MACROD2: variants seen among roughly 807,000 people sequenced by gnomAD.
MACROD2 encodes the protein ADP-ribose glycohydrolase MACROD2.
MACROD2 carries 36 observed loss-of-function variants against 70.4 expected under a neutral mutation model. That is an observed-to-expected ratio of 0.51 (90% CI 0.39 to 0.68). The LOEUF is 0.68. Among genes scored for constraint, MACROD2 ranks in the 30% least tolerant of loss-of-function variants. The pLI, the probability that MACROD2 is intolerant of heterozygous loss-of-function variation, is 0.00. For synonymous variants in MACROD2, 172 were observed against 178.8 expected (o/e 0.96, Z 0.30); for missense variants, 496 against 538.4 (o/e 0.92, Z 0.78).
chr20:15,124,489 T>C (rs1346233551), intron 5 of MACROD2, among the ~76,000 whole-genome samples: 1 of 151,604 alleles, frequency 6.6e-6, no homozygotes, highest in Non-Finnish European at 1.5e-5. Flanking sequence ...AAACTATATA[T>C]AGCCAACCAA....
chr20:14,019,821 G>C (rs1274005383), intron 2 of MACROD2, among the ~76,000 whole-genome samples: 2 of 152,112 alleles, frequency 1.3e-5, no homozygotes, highest in Non-Finnish European at 2.9e-5. Context: ...TTACTTATAG[G>C]AGTAATTGGG....
chr20:15,847,979 T>G (rs2064252400), intron 8 of MACROD2, among the ~76,000 whole-genome samples: 1 of 152,214 alleles, frequency 6.6e-6, no homozygotes, highest in Non-Finnish European at 1.5e-5. Flanking sequence ...ACCTTACACA[T>G]AGGAACCAAC....
intron 8 of MACROD2, among the ~76,000 whole-genome samples, chr20:15,747,870 T>G (rs141028743): frequency 6.6e-6 from 1 of 152,298 alleles, no homozygotes; most frequent in African/African-American, 2.4e-5. Context: ...CTTTGCCTTC[T>G]TGACATTAGC....
chr20:15,114,621 C>T (rs924625489), intron 5 of MACROD2, among the ~76,000 whole-genome samples: 1 of 152,158 alleles, frequency 6.6e-6, no homozygotes, highest in Non-Finnish European at 1.5e-5. Context: ...TTAAGCCATG[C>T]CCAGACTTCT....
At chr20:16,032,727 AAGG>A (rs1478624617) in intron 15 of MACROD2, among the ~76,000 whole-genome samples, 1 of 138,338 alleles carries the variant, frequency 7.2e-6, no homozygotes, top group Non-Finnish European at 1.5e-5. Context: ...GTGGAGGAAG[AAGG>A]AGAGAAGAAG....
intron 2 of MACROD2, chr20:14,052,140 C>A: frequency 6.4e-6 from 2 of 312,342 alleles, no homozygotes; most frequent in Non-Finnish European, 1.3e-5. Flanking sequence ...TGGGGTAGAG[C>A]AGTGGCCTTC....
chr20:14,594,082 A>G (rs775589348), intron 4 of MACROD2, among the ~76,000 whole-genome samples: 4 of 152,244 alleles, frequency 2.6e-5, no homozygotes, highest in Non-Finnish European at 4.4e-5. Flanking sequence ...TGTTAAAGAC[A>G]TGCCAATGAA....
At chr20:15,801,891 G>C (rs571414472) in intron 8 of MACROD2, among the ~76,000 whole-genome samples, 1 of 152,042 alleles carries the variant, frequency 6.6e-6, no homozygotes, top group South Asian at 2.1e-4. Flanking sequence ...GTGTTTTCTA[G>C]TTTTTATTGC....
chr20:15,372,633 C>T (rs994030645), intron 6 of MACROD2, among the ~76,000 whole-genome samples: 4 of 152,132 alleles, frequency 2.6e-5, no homozygotes, highest in African/African-American at 9.7e-5. Flanking sequence ...TACATTTATT[C>T]CCAGTCTGGA....
chr20:14,932,645 A>G (rs1056123349), intron 5 of MACROD2, among the ~76,000 whole-genome samples: 1 of 152,108 alleles, frequency 6.6e-6, no homozygotes, highest in Non-Finnish European at 1.5e-5. Flanking sequence ...AGCTCACCAC[A>G]ACCTCCGCCT....
intron 5 of MACROD2, among the ~76,000 whole-genome samples, chr20:14,754,007 A>G (rs1311530960): frequency 1.3e-5 from 2 of 152,136 alleles, no homozygotes; most frequent in Admixed American, 6.5e-5. Context: ...AATAATAACA[A>G]CCAAAATGGG....
At chr20:14,114,792 C>T (rs918846255) in intron 3 of MACROD2, among the ~76,000 whole-genome samples, 9 of 152,210 alleles carry the variant, frequency 5.9e-5, no homozygotes, top group African/African-American at 2.2e-4. Flanking sequence ...TGATAGAAAA[C>T]TACAAACTGG....
chr20:15,809,120 A>G (rs992475247), intron 8 of MACROD2, among the ~76,000 whole-genome samples: 3 of 152,190 alleles, frequency 2.0e-5, no homozygotes, highest in Non-Finnish European at 4.4e-5. Flanking sequence ...TGATTTTGTT[A>G]AAATAATCAT....
At chr20:15,092,445 A>T (rs2075799636) in intron 5 of MACROD2, among the ~76,000 whole-genome samples, 1 of 148,766 alleles carries the variant, frequency 6.7e-6, no homozygotes, top group Admixed American at 6.7e-5. Flanking sequence ...ATATATTTAT[A>T]ACATTTTAAA....
chr20:15,879,341 T>A (rs1322680796), intron 9 of MACROD2, among the ~76,000 whole-genome samples: 1 of 152,054 alleles, frequency 6.6e-6, no homozygotes, highest in Non-Finnish European at 1.5e-5. Context: ...TTTTAATATT[T>A]TTTTGTTCCT....
rs540312298 is a variant in MACROD2, at chr20:14,152,749, A to G, written c.271+67021A>G. Among the ~76,000 whole-genome samples the G allele has an allele frequency of 1.6e-4, 24 of 152,146 alleles. 1 individual carries two copies. Among genetic ancestry groups the G allele is most frequent in the Non-Finnish European group, 2.6e-4 (18 of 67,986 alleles). Reference sequence around the variant, plus strand: ...GCCTCCTCTACAATTTTATTTTAGTATTATTTATTCTCAATTAGTCCAGGT... The same window carrying G: ...GCCTCCTCTACAATTTTATTTTAGTGTTATTTATTCTCAATTAGTCCAGGT... On this transcript the variant is annotated intron_variant, in intron 3 of 17. Coordinates refer to ENST00000684519, the MANE Select transcript of MACROD2 (RefSeq NM_001351661.2).
chr20:14,397,259 C>T (rs1388001554), intron 3 of MACROD2, among the ~76,000 whole-genome samples: 3 of 152,084 alleles, frequency 2.0e-5, no homozygotes, highest in African/African-American at 4.8e-5. Context: ...TCCCAAAGTG[C>T]TGGGATTACA....
chr20:14,918,117 G>A (rs1180724209), intron 5 of MACROD2, among the ~76,000 whole-genome samples: 1 of 152,004 alleles, frequency 6.6e-6, no homozygotes, highest in African/African-American at 2.4e-5. Context: ...GGAACTACAG[G>A]CACACACCAC....
intron 3 of MACROD2, among the ~76,000 whole-genome samples, chr20:14,358,623 A>AT: frequency 6.6e-6 from 1 of 151,798 alleles, no homozygotes; most frequent in Non-Finnish European, 1.5e-5. Context: ...CGTCTGGCTA[A>AT]TTTTTTGTAT....
Sources: gnomAD v4.1 joint callset for allele counts (sites outside exome capture counted in the v4.1 genomes callset) on GRCh38, gnomAD v4.1.1 for gene constraint, MANE v1.5 for transcripts, NCBI Gene and HGNC (gene_info 2026-07-23, HGNC 2026-07-21) for gene names.